The following GRIK3 variants were observed in gnomAD, a reference collection of about 807,000 sequenced individuals.
GRIK3 encodes glutamate receptor ionotropic, kainate 3.
GRIK3 carries 29 observed loss-of-function variants against 102.5 expected under a neutral mutation model. That is an observed-to-expected ratio of 0.28 (90% confidence interval 0.21 to 0.39). GRIK3 has a LOEUF of 0.39. Among genes scored for constraint, GRIK3 ranks in the 10% least tolerant of loss-of-function variants. GRIK3 has a pLI of 1.00. For missense variants in GRIK3, 908 were observed against 1,252.4 expected (o/e 0.73, Z 4.15); for synonymous variants, 511 against 504.9 (o/e 1.01, Z -0.16).
At chr1:36,948,103 T>G (rs186897690) in intron 1 of GRIK3, among the ~76,000 whole-genome samples, 1 of 152,194 alleles carries the variant, frequency 6.6e-6, no homozygotes, top group Non-Finnish European at 1.5e-5. Context: ...AAGGTTTGTG[T>G]CTCCCTTACT....
rs370778908 is a variant in GRIK3, at chr1:36,805,130, C to T, written c.2422G>A (p.Glu808Lys). 6.8e-6 allele frequency: 11 copies of T among 1,614,122 alleles called. No individual in the cohort carries two copies. The highest frequency in any genetic ancestry group is 9.3e-6 in the Non-Finnish European group (11 of 1,180,048). The part of the protein sequence containing the change: ...KWWRGSGCPE[E>K]ENKEASALGI... ...AGGGCACTGGCCTCTTTGTTTTCCT[C>T]CTCAGGACACCCGCTGCCCCGCCAC... Residue 808 changes from glutamate (E) to lysine (K), a missense_variant, in exon 15 of 16, where the codon GAG becomes AAG. By Grantham distance (56) the Glu-to-Lys change is moderately conservative (BLOSUM62 1). Coordinates refer to ENST00000373091, the MANE Select transcript of GRIK3 (RefSeq NM_000831.4).
chr1:36,998,991 T>C (rs2124025823), intron 1 of GRIK3, among the ~76,000 whole-genome samples: 1 of 117,926 alleles, frequency 8.5e-6, no homozygotes, highest in East Asian at 2.0e-4. Context: ...TGTGTGTGTG[T>C]GTGTGTGTGT....
At chr1:36,841,582 G>A (rs1375943929) in intron 10 of GRIK3, among the ~76,000 whole-genome samples, 154 bp downstream of exon 10, 1 of 152,138 alleles carries the variant, frequency 6.6e-6, no homozygotes, top group Non-Finnish European at 1.5e-5. Flanking sequence ...TCCTTCAGCT[G>A]AGGCCCCCCA....
chr1:36,922,483 A>T (rs1214248468), intron 1 of GRIK3, among the ~76,000 whole-genome samples: 1 of 152,200 alleles, frequency 6.6e-6, no homozygotes, highest in East Asian at 1.9e-4. Context: ...GCCTGGCCAT[A>T]CAGGGGGCTT....
chr1:36,937,574 C>T (rs1366832132), intron 1 of GRIK3, among the ~76,000 whole-genome samples: 1 of 152,106 alleles, frequency 6.6e-6, no homozygotes, highest in Non-Finnish European at 1.5e-5. Context: ...AGTCCCGTGC[C>T]TCACATGCCT....
At chr1:37,018,226 G>A (rs573247837) in intron 1 of GRIK3, among the ~76,000 whole-genome samples, 3 of 152,260 alleles carry the variant, frequency 2.0e-5, no homozygotes, top group East Asian at 1.9e-4. Context: ...CATACTGCAC[G>A]GTGGGCAAAA....
At chr1:36,900,743 A>G (rs193291557) in intron 1 of GRIK3, among the ~76,000 whole-genome samples, 5 of 152,304 alleles carry the variant, frequency 3.3e-5, no homozygotes, top group Admixed American at 3.3e-4. Context: ...AAATCAATAT[A>G]AAAATATCAA....
chr1:36,876,722 G>A (rs1195053671), intron 3 of GRIK3, among the ~76,000 whole-genome samples: 1 of 152,122 alleles, frequency 6.6e-6, no homozygotes, highest in Non-Finnish European at 1.5e-5. Flanking sequence ...CCTGCCCTTT[G>A]ACATATCTGG....
intron 1 of GRIK3, among the ~76,000 whole-genome samples, chr1:36,934,313 T>G (rs577808320): frequency 2.0e-5 from 3 of 152,224 alleles, no homozygotes; most frequent in Non-Finnish European, 4.4e-5. Flanking sequence ...CTCTCCTGTG[T>G]GCAGACTCCC....
chr1:36,872,049 A>G lies in GRIK3; in HGVS notation c.732+139T>C. 1 of 765,148 alleles carries G rather than the reference A, an allele frequency of 1.3e-6. No homozygotes were observed. Among genetic ancestry groups the G allele is most frequent in the African/African-American group, 1.8e-5 (1 of 56,526 alleles). The allele number at this position is 765,148 out of a possible 1,614,324, so 47.4% of individuals were successfully genotyped here. ...TGAGGCTCAGAGAGGCAAACCACCCAAGGTCACACAGCAGGAAAGTGGCAG... is the reference window on the plus strand; with the variant it reads ...TGAGGCTCAGAGAGGCAAACCACCCGAGGTCACACAGCAGGAAAGTGGCAG... On this transcript the variant is annotated intron_variant, in intron 4 of 15. Coordinates refer to ENST00000373091, the MANE Select transcript of GRIK3 (RefSeq NM_000831.4). The surrounding 1 kb of genome is among the most constrained non-coding windows in gnomAD (Gnocchi z 5.9).
At chr1:36,945,929 G>A (rs1465861495) in intron 1 of GRIK3, among the ~76,000 whole-genome samples, 3 of 152,140 alleles carry the variant, frequency 2.0e-5, no homozygotes, top group African/African-American at 4.8e-5. Context: ...GGGGACCTAC[G>A]TTCTGGAGCA....
At chr1:36,829,560 T>C (rs1296425861) in intron 10 of GRIK3, among the ~76,000 whole-genome samples, 1 of 152,166 alleles carries the variant, frequency 6.6e-6, no homozygotes, top group Admixed American at 6.5e-5. Flanking sequence ...TCAGCCCTCC[T>C]GCCTCACCAA....
At chr1:36,904,060 T>G (rs952171771) in intron 1 of GRIK3, among the ~76,000 whole-genome samples, 8 of 152,198 alleles carry the variant, frequency 5.3e-5, no homozygotes, top group African/African-American at 1.9e-4. Context: ...GCTATGCATG[T>G]GTGTGGGCAG....
chr1:36,940,307 G>A (rs1013170717), intron 1 of GRIK3, among the ~76,000 whole-genome samples: 3 of 152,208 alleles, frequency 2.0e-5, no homozygotes, highest in Non-Finnish European at 2.9e-5. Context: ...TCTATCCAGA[G>A]AGGTCCAGTG....
intron 1 of GRIK3, among the ~76,000 whole-genome samples, chr1:36,974,553 T>C (rs1642175018): frequency 6.6e-6 from 1 of 151,760 alleles, no homozygotes; most frequent in African/African-American, 2.4e-5. Flanking sequence ...AATCCCAGCA[T>C]TTTGGGAGGC....
At chr1:37,009,056 C>A (rs1291278194) in intron 1 of GRIK3, among the ~76,000 whole-genome samples, 1 of 149,844 alleles carries the variant, frequency 6.7e-6, no homozygotes, top group Non-Finnish European at 1.5e-5. Context: ...TCAATTTCCT[C>A]ATCTGTAAAA....
At chr1:37,030,369 G>A (rs1642810010) in intron 1 of GRIK3, among the ~76,000 whole-genome samples, 1 of 152,180 alleles carries the variant, frequency 6.6e-6, no homozygotes. Flanking sequence ...AGTTACAGAT[G>A]AGGCCGGTTT....
chr1:36,871,096 C>T (rs973645194), intron 4 of GRIK3, among the ~76,000 whole-genome samples: 1 of 152,156 alleles, frequency 6.6e-6, no homozygotes, highest in Non-Finnish European at 1.5e-5. Context: ...CCTTGTTGCA[C>T]TGAAGCCTCC....
In GRIK3 at chr1:36,951,094, C is replaced by T. The variant is rs545587502; in HGVS notation, c.116-59998G>A. Among the ~76,000 whole-genome samples, 7 of 152,362 alleles carry T rather than the reference C, an allele frequency of 4.6e-5. No homozygotes were observed. In the South Asian group the frequency reaches 1.4e-3, roughly 32 times the overall value. ...TCTGGAGCATGCAAATGACCTTTGT[C>T]TTTCTGGCTTTGTAGAGGAGCTGGC... On this transcript the variant is annotated intron_variant, in intron 1 of 15. Coordinates refer to ENST00000373091, the MANE Select transcript of GRIK3 (RefSeq NM_000831.4).
Sources: allele counts gnomAD v4.1 joint callset (sites outside exome capture counted in the v4.1 genomes callset), GRCh38; gene constraint gnomAD v4.1.1; non-coding constraint Gnocchi (gnomAD v3.1); transcripts MANE v1.5; gene names NCBI Gene and HGNC (gene_info 2026-07-23, HGNC 2026-07-21).